Variants in SOX5 observed in about 807,000 individuals in gnomAD.
The protein encoded by SOX5 is transcription factor SOX-5.
SOX5 carries 9 observed loss-of-function variants against 92.0 expected under a neutral mutation model. The ratio of observed to expected loss-of-function variants is 0.10; its 90% CI spans 0.06 to 0.17. The LOEUF is 0.17. SOX5 is among the 10% of genes least tolerant of loss of function. SOX5 has a pLI of 1.00. For synonymous variants in SOX5, 344 were observed against 336.3 expected (o/e 1.02, Z -0.25); for missense variants, 642 against 944.5 (o/e 0.68, Z 4.20).
intron 4 of SOX5, among the ~76,000 whole-genome samples, chr12:24,058,342 T>G (rs1938987536): frequency 6.6e-6 from 1 of 152,242 alleles, no homozygotes; most frequent in African/African-American, 2.4e-5. Flanking sequence ...CACACAATGC[T>G]ACTATTTACA....
At chr12:24,095,154 G>GAGAGAGAGAGAGAGAA (rs1373469652) in intron 4 of SOX5, among the ~76,000 whole-genome samples, 2 of 149,570 alleles carry the variant, frequency 1.3e-5, no homozygotes, top group Non-Finnish European at 3.0e-5. Context: ...GAGAGAGAGA[G>GAGAGAGAGAGAGAGAA]AGACAGAGAC....
At chr12:23,706,506 T>C (rs188242920) in intron 6 of SOX5, among the ~76,000 whole-genome samples, 1 of 152,132 alleles carries the variant, frequency 6.6e-6, no homozygotes, top group Non-Finnish European at 1.5e-5. Flanking sequence ...AATTAAAAGT[T>C]GGAAAGTCTA....
At chr12:23,712,840 CCTT>C (rs2092173528) in intron 6 of SOX5, among the ~76,000 whole-genome samples, 1 of 152,156 alleles carries the variant, frequency 6.6e-6, no homozygotes, top group Non-Finnish European at 1.5e-5. Context: ...ATACACTCAT[CCTT>C]CTCTCTACTC....
chr12:23,842,212 T>C (rs1161699215), intron 3 of SOX5, among the ~76,000 whole-genome samples: 1 of 152,146 alleles, frequency 6.6e-6, no homozygotes, highest in Non-Finnish European at 1.5e-5. Context: ...TTAATTATTC[T>C]GATACTCTTC....
intron 1 of SOX5, among the ~76,000 whole-genome samples, chr12:23,928,815 G>C (rs770045663): frequency 1.3e-5 from 2 of 151,672 alleles, no homozygotes; most frequent in East Asian, 3.9e-4. Flanking sequence ...CAGGCAATAG[G>C]TAAAAAGTAA....
intron 2 of SOX5, among the ~76,000 whole-genome samples, chr12:24,310,389 C>T (rs1002964475): frequency 6.6e-6 from 1 of 152,116 alleles, no homozygotes; most frequent in Non-Finnish European, 1.5e-5. Flanking sequence ...GAAGAAGCCC[C>T]AACTTTGTGA....
intron 2 of SOX5, among the ~76,000 whole-genome samples, chr12:24,314,256 T>C (rs1014772497): frequency 4.0e-5 from 6 of 151,850 alleles, no homozygotes; most frequent in African/African-American, 1.5e-4. Context: ...TCCAGCTTCA[T>C]CCATGTCCCT....
At chr12:24,166,480 TGAGA>T (rs1278216408) in intron 4 of SOX5, among the ~76,000 whole-genome samples, 1 of 152,102 alleles carries the variant, frequency 6.6e-6, no homozygotes, top group African/African-American at 2.4e-5. Flanking sequence ...CAAGAAACAG[TGAGA>T]GAGAGCGAGC....
chr12:23,849,293 T>C (rs2096605947), intron 2 of SOX5, among the ~76,000 whole-genome samples: 1 of 152,228 alleles, frequency 6.6e-6, no homozygotes. Flanking sequence ...ATTACATTAA[T>C]ATTCAATCTA....
chr12:23,644,120 A>T (rs758755537), intron 7 of SOX5, among the ~76,000 whole-genome samples: 1 of 152,202 alleles, frequency 6.6e-6, no homozygotes, highest in Non-Finnish European at 1.5e-5. Context: ...TTAAGTTACA[A>T]AAGTATTTTG....
intron 4 of SOX5, among the ~76,000 whole-genome samples, chr12:24,189,600 G>T (rs1178573453): frequency 1.3e-5 from 2 of 152,114 alleles, no homozygotes; most frequent in Non-Finnish European, 2.9e-5. Context: ...CCTTCAAAAT[G>T]AGATCTTTGT....
intron 1 of SOX5, among the ~76,000 whole-genome samples, chr12:23,903,718 G>A (rs925139032): frequency 5.3e-5 from 8 of 152,188 alleles, no homozygotes; most frequent in Non-Finnish European, 8.8e-5. Flanking sequence ...TGTGCCTTAA[G>A]TTTTTCGAGT....
intron 1 of SOX5, among the ~76,000 whole-genome samples, chr12:24,379,876 CT>C (rs10652256): frequency 1.4e-5 from 2 of 139,718 alleles, no homozygotes; most frequent in Admixed American, 7.2e-5. Flanking sequence ...CCAGAAGATT[CT>C]TTTTTTTTTC....
chr12:23,860,111 C>G (rs971410449), intron 2 of SOX5, among the ~76,000 whole-genome samples: 8 of 151,858 alleles, frequency 5.3e-5, no homozygotes, highest in South Asian at 2.1e-4. Flanking sequence ...CTTATGAACA[C>G]AGAGAAAGAA....
chr12:23,860,952 T>TAAA (rs71059935), intron 2 of SOX5, among the ~76,000 whole-genome samples: 22 of 45,920 alleles, frequency 4.8e-4, no homozygotes, highest in African/African-American at 1.5e-3. Context: ...GTATATTTTG[T>TAAA]AAAAAAAAAA....
At chr12:24,300,998 T>G (rs1356627438) in intron 2 of SOX5, among the ~76,000 whole-genome samples, 1 of 152,220 alleles carries the variant, frequency 6.6e-6, no homozygotes, top group African/African-American at 2.4e-5. Flanking sequence ...TACAAAAGTT[T>G]AGGAATAACG....
chr12:24,415,721 T>C (rs1291880492), intron 1 of SOX5, among the ~76,000 whole-genome samples: 1 of 152,220 alleles, frequency 6.6e-6, no homozygotes, highest in Admixed American at 6.5e-5. Context: ...AATCCATCTC[T>C]GAGTATGAAG....
intron 1 of SOX5, among the ~76,000 whole-genome samples, chr12:24,525,180 G>T (rs149202771): frequency 3.1e-4 from 47 of 152,252 alleles, no homozygotes; most frequent in Admixed American, 5.2e-4. Flanking sequence ...TAAAGAAAAA[G>T]TGATATATAC....
chr12:24,441,794 T>C (rs1940646890), intron 1 of SOX5, among the ~76,000 whole-genome samples: 1 of 152,186 alleles, frequency 6.6e-6, no homozygotes, highest in South Asian at 2.1e-4. Context: ...TTTTATTGTA[T>C]GCGGTTTCAT....
Sources: allele counts gnomAD v4.1 joint callset (sites outside exome capture counted in the v4.1 genomes callset), GRCh38; gene constraint gnomAD v4.1.1; transcripts MANE v1.5; gene names NCBI Gene and HGNC (gene_info 2026-07-23, HGNC 2026-07-21).